The following KANSL1L variants were observed in gnomAD, a reference collection of about 807,000 sequenced individuals.
KANSL1L encodes KAT8 regulatory NSL complex subunit 1-like protein.
A neutral mutation model predicts 108.6 loss-of-function variants in KANSL1L; 25 were observed. That is an observed-to-expected ratio of 0.23 (90% CI 0.17 to 0.32). KANSL1L has a LOEUF of 0.32. Among genes scored for constraint, KANSL1L ranks in the 10% least tolerant of loss-of-function variants. The probability of loss-of-function intolerance (pLI) is 1.00; values close to 1 mark genes in which losing one functional copy is unlikely to be tolerated. For synonymous variants in KANSL1L, 405 were observed against 395.1 expected, an observed-to-expected ratio of 1.03 and a Z score of -0.30; for missense variants, 1,137 against 1,125.7, an observed-to-expected ratio of 1.01 and a Z score of -0.14.
chr2:210,046,550 A>C (rs2094224990), intron 6 of KANSL1L, among the ~76,000 whole-genome samples: 1 of 152,148 alleles, frequency 6.6e-6, no homozygotes, highest in South Asian at 2.1e-4. Context: ...GGTTTTGAGC[A>C]AACCAACCCA....
intron 2 of KANSL1L, among the ~76,000 whole-genome samples, chr2:210,133,523 T>C (rs993815763): frequency 5.3e-5 from 8 of 152,072 alleles, no homozygotes; most frequent in African/African-American, 1.9e-4. Context: ...TATAATTCTC[T>C]CCATTGTTTT....
chr2:210,043,387 TCAAAA>T (rs542884999), intron 7 of KANSL1L: 384 of 160,078 alleles, frequency 2.4e-3, no homozygotes, highest in South Asian at 0.01. Context: ...AGACCCTGTC[TCAAAA>T]CAAAACAAAA....
In KANSL1L at chr2:210,044,082, G is replaced by T. The variant is rs1321277078; in HGVS notation, c.1778C>A (p.Ala593Glu). 1 of 1,587,806 alleles carries T rather than the reference G, an allele frequency of 6.3e-7. No individual in the cohort carries two copies. Among genetic ancestry groups the T allele is most frequent in the Non-Finnish European group, 8.6e-7 (1 of 1,168,318 alleles). ...TPQTLPSKET[A>E]FLNTTQMPCL... ...AGGCATTTGTGTAGTGTTTAAAAATGCTGTTTCTTTTGAAGGCAAAGTCTG... is the reference window on the plus strand; with the variant it reads ...AGGCATTTGTGTAGTGTTTAAAAATTCTGTTTCTTTTGAAGGCAAAGTCTG... The change falls in exon 7 of 15, where the codon GCA becomes GAA. Residue 593 changes from alanine to glutamate, a missense_variant. Transcript: ENST00000281772. This position sits in a 1 kb window ranked among gnomAD's most constrained non-coding sequence, Gnocchi z 4.2.
chr2:210,155,787 G>C (rs996701412), intron 1 of KANSL1L, among the ~76,000 whole-genome samples: 1 of 152,122 alleles, frequency 6.6e-6, no homozygotes. Context: ...AAGATACCTA[G>C]TATTTTGTAA....
In KANSL1L at chr2:210,025,171, A is replaced by AT. The variant is rs2093918851; in HGVS notation, c.2496dup (p.Tyr833IlefsTer2). On this transcript the variant is annotated frameshift_variant, in exon 13 of 15. Coordinates refer to ENST00000281772, the MANE Select transcript of KANSL1L (RefSeq NM_152519.4). LOFTEE classifies it high-confidence loss of function. ...CACCTGGCTTGCTCTCTCTCTTCATATTTTTTGTGCCTTAGGGAGAAGACT... is the reference window on the plus strand; with the variant it reads ...CACCTGGCTTGCTCTCTCTCTTCATATTTTTTTGTGCCTTAGGGAGAAGACT... 6.2e-7 allele frequency: 1 copy of AT among 1,612,718 alleles called. No homozygotes were observed. Among genetic ancestry groups the AT allele is most frequent in the Non-Finnish European group, 8.5e-7 (1 of 1,178,818 alleles).
intron 3 of KANSL1L, among the ~76,000 whole-genome samples, chr2:210,117,938 T>G (rs896833529): frequency 6.6e-6 from 1 of 151,508 alleles, no homozygotes; most frequent in African/African-American, 2.4e-5. Context: ...CCGAGACAGG[T>G]GGATCACCTG....
chr2:210,032,558 T>G (rs766151067), intron 8 of KANSL1L: 1 of 152,240 alleles, frequency 6.6e-6, no homozygotes, highest in Non-Finnish European at 1.5e-5. Flanking sequence ...TGACTGCACA[T>G]GCCAATATCT....
intron 5 of KANSL1L, chr2:210,097,218 G>C (rs1383660048): frequency 1.0e-6 from 1 of 964,192 alleles, no homozygotes; most frequent in African/African-American, 1.8e-5. Flanking sequence ...TTAAGACTTT[G>C]TTTACATCCA....
At chr2:210,087,032 TA>T (rs1433996517) in intron 5 of KANSL1L, among the ~76,000 whole-genome samples, 16 of 151,454 alleles carry the variant, frequency 1.1e-4, no homozygotes, top group African/African-American at 1.7e-4. Context: ...TTTTTTATTT[TA>T]TTTTTTTTTT....
At chr2:210,123,923 CAA>C (rs1483928642) in intron 3 of KANSL1L, among the ~76,000 whole-genome samples, 2 of 151,924 alleles carry the variant, frequency 1.3e-5, no homozygotes, top group East Asian at 3.9e-4. Flanking sequence ...TTTCTTCTTT[CAA>C]AAAACTCAGT....
chr2:210,091,625 G>A (rs1041895013), intron 5 of KANSL1L, among the ~76,000 whole-genome samples: 48 of 152,236 alleles, frequency 3.2e-4, no homozygotes, highest in African/African-American at 1.0e-3. Context: ...CTGAGATCCT[G>A]AATAATTCAA....
At chr2:210,119,435 T>C (rs1446569759) in intron 3 of KANSL1L, among the ~76,000 whole-genome samples, 2 of 152,076 alleles carry the variant, frequency 1.3e-5, no homozygotes, top group African/African-American at 4.8e-5. Flanking sequence ...GATGCAGAAG[T>C]CCTTAACAAA....
At chr2:210,132,128 A>G (rs1367957670) in intron 2 of KANSL1L, among the ~76,000 whole-genome samples, 3 of 151,416 alleles carry the variant, frequency 2.0e-5, no homozygotes, top group Admixed American at 2.0e-4. Context: ...AAAAAAAATA[A>G]GATTGTTAAT....
intron 5 of KANSL1L, among the ~76,000 whole-genome samples, chr2:210,094,193 T>C (rs542517963): frequency 3.9e-4 from 59 of 152,310 alleles, no homozygotes; most frequent in African/African-American, 1.3e-3. Context: ...CATTTAAAAA[T>C]AGTTAAAATG....
chr2:210,141,311 T>A (rs991818219), intron 2 of KANSL1L, among the ~76,000 whole-genome samples: 1 of 152,174 alleles, frequency 6.6e-6, no homozygotes, highest in African/African-American at 2.4e-5. Flanking sequence ...GGTGGTATCA[T>A]CTGAACACTG....
At chr2:210,150,097 T>C in intron 2 of KANSL1L, among the ~76,000 whole-genome samples, 1 of 152,136 alleles carries the variant, frequency 6.6e-6, no homozygotes, top group Admixed American at 6.5e-5. Flanking sequence ...AGGCCAATAA[T>C]GCAAGAGGCC....
rs867647588 is a variant in KANSL1L, at chr2:210,037,437, A to G, written c.2029+2983T>C. The stretch of plus-strand genomic sequence containing the variant: ...GTCTCGGGACAAATTCCAACAAGTG[A>G]AATCGCATCATTAAAAGGTAACTGC... On this transcript the variant is annotated intron_variant, in intron 8 of 14. Transcript: ENST00000281772. 2.0e-5 allele frequency among the ~76,000 whole-genome samples: 3 copies of G among 152,346 alleles called. No homozygotes were observed. In the South Asian group the frequency reaches 6.2e-4, roughly 32 times the overall value.
chr2:210,023,713 G>A (rs2093893208), intron 14 of KANSL1L, among the ~76,000 whole-genome samples: 1 of 152,186 alleles, frequency 6.6e-6, no homozygotes, highest in Non-Finnish European at 1.5e-5. Flanking sequence ...CTTAAGATAT[G>A]AGGAGAAAGA....
intron 5 of KANSL1L, among the ~76,000 whole-genome samples, chr2:210,080,966 G>A (rs2094584941): frequency 6.6e-6 from 1 of 151,954 alleles, no homozygotes; most frequent in African/African-American, 2.4e-5. Context: ...AATCAGCCAG[G>A]CGTGGTGGTG....
Sources: gnomAD v4.1 joint callset for allele counts (sites outside exome capture counted in the v4.1 genomes callset) on GRCh38, gnomAD v4.1.1 for gene constraint, Gnocchi (gnomAD v3.1) non-coding constraint, MANE v1.5 for transcripts, NCBI Gene and HGNC (gene_info 2026-07-23, HGNC 2026-07-21) for gene names.